PARP4: variants seen among roughly 807,000 people sequenced by gnomAD.
PARP4 encodes the protein protein mono-ADP-ribosyltransferase PARP4.
A neutral mutation model predicts 187.7 loss-of-function variants in PARP4; 120 were observed. The ratio of observed to expected loss-of-function variants is 0.64; its 90% CI spans 0.55 to 0.74. PARP4 has a LOEUF of 0.74. PARP4 is among the 30% of genes least tolerant of loss of function. The pLI, the probability that PARP4 is intolerant of heterozygous loss-of-function variation, is 0.00. For missense variants in PARP4, 1,836 were observed against 2,070.5 expected, an observed-to-expected ratio of 0.89 and a Z score of 2.20; for synonymous variants, 654 against 740.9, an observed-to-expected ratio of 0.88 and a Z score of 1.90.
chr13:24,505,036 C>G (rs1333566768), intron 1 of PARP4, among the ~76,000 whole-genome samples: 2 of 145,256 alleles, frequency 1.4e-5, no homozygotes, highest in Non-Finnish European at 3.0e-5. Flanking sequence ...CAGGGTCTCA[C>G]TCTGTCACCC....
intron 8 of PARP4, among the ~76,000 whole-genome samples, chr13:24,493,227 T>C (rs1332262992): frequency 6.6e-6 from 1 of 152,196 alleles, no homozygotes; most frequent in Admixed American, 6.5e-5. Flanking sequence ...GGTGCAAGAC[T>C]GTGGAGTCAC....
intron 24 of PARP4, among the ~76,000 whole-genome samples, chr13:24,450,223 C>T (rs557250853): frequency 6.6e-6 from 1 of 152,176 alleles, no homozygotes; most frequent in Admixed American, 6.5e-5. Flanking sequence ...TAAAGTCTAC[C>T]TCTTGAAATC....
At chr13:24,501,163 G>A (rs1869257567) in intron 3 of PARP4, among the ~76,000 whole-genome samples, 3 of 152,194 alleles carry the variant, frequency 2.0e-5, no homozygotes, top group Non-Finnish European at 4.4e-5. Flanking sequence ...ATATGACTCA[G>A]GAAGAGTGCA....
rs570028096 is a variant in PARP4 at position 24,475,272 on chromosome 13, G to A, written c.1914+200C>T. Among the ~76,000 whole-genome samples the A allele has an allele frequency of 3.9e-5, 6 of 152,318 alleles. No individual in the cohort carries two copies. The East Asian group carries it at 7.7e-4, about 20-fold the overall frequency. On this transcript the variant is annotated intron_variant, in intron 15 of 33. Transcript: ENST00000381989. ...CCCCCACACAGTGTGTGCTCCACAA[G>A]GGCAGAGCTTTTGTATTGTGCACTG...
intron 17 of PARP4, among the ~76,000 whole-genome samples, chr13:24,468,090 G>A (rs571613428): frequency 5.3e-5 from 8 of 152,212 alleles, no homozygotes; most frequent in South Asian, 2.1e-4. Context: ...CCTCAGAGGC[G>A]ATACTCAAAC....
rs769273437 is a variant in PARP4, at chr13:24,435,383, G to T, written c.3758C>A (p.Ser1253Tyr). The part of the protein sequence containing the change: ...IPFSKRKMEL[S>Y]QPEVSEDFEE... ...AAAATCTTCAGAAACTTCTGGCTGA[G>T]ATAATTCCATTTTTCTTTTGGAAAA... The change falls in exon 31 of 34, where the codon TCT (serine) becomes TAT (tyrosine). Residue 1253 changes from serine (S) to tyrosine (Y), a missense_variant. Transcript: ENST00000381989. 1 of 1,612,236 alleles carries T rather than the reference G, an allele frequency of 6.2e-7. No individual in the cohort carries two copies. The highest frequency in any genetic ancestry group is 1.7e-5 in the Admixed American group (1 of 59,916).
intron 30 of PARP4, among the ~76,000 whole-genome samples, chr13:24,440,201 T>C (rs146629664): frequency 0.012 from 1,798 of 151,964 alleles, 32 homozygotes; most frequent in African/African-American, 0.04. Context: ...AGTTCGAGAC[T>C]AGCCTGGCCA....
chr13:24,503,511 G>A, intron 2 of PARP4, 134 bp downstream of exon 2: 8 of 1,061,022 alleles, frequency 7.5e-6, no homozygotes, highest in Non-Finnish European at 9.8e-6. Context: ...GGCCATGTCA[G>A]TCTCTCCTGA....
In PARP4 at chr13:24,452,435, C is replaced by A; in HGVS notation, c.2985G>T (p.Pro995=). Residue 995 remains proline, a synonymous_variant, in exon 24 of 34, where the codon CCG becomes CCT. Coordinates refer to ENST00000381989, the MANE Select transcript of PARP4 (RefSeq NM_006437.4). The stretch of plus-strand genomic sequence containing the variant: ...TACCGCAGGCGAATAACCTGGTGTG[C>A]GGGCGGCTCCTCTTCACGAGCTGTA... ...LTLQLVKRSR[P]HTRLFACGIG... 1 of 1,613,508 alleles carries A rather than the reference C, an allele frequency of 6.2e-7. No homozygotes were observed. Among genetic ancestry groups the A allele is most frequent in the Non-Finnish European group, 8.5e-7 (1 of 1,179,762 alleles).
intron 31 of PARP4, among the ~76,000 whole-genome samples, chr13:24,431,865 T>G (rs1355522256): frequency 6.6e-6 from 1 of 152,200 alleles, no homozygotes; most frequent in Admixed American, 6.5e-5. Flanking sequence ...TTATAAAAAG[T>G]GTGGAAAGAG....
At chr13:24,452,731 CTAAACT>C in intron 23 of PARP4, 138 bp from the exon 24 acceptor site, 3 of 630,404 alleles carry the variant, frequency 4.8e-6, no homozygotes, top group Non-Finnish European at 5.5e-6. Context: ...TGTGAAACAA[CTAAACT>C]TATGTCCTTT....
intron 10 of PARP4, among the ~76,000 whole-genome samples, chr13:24,488,428 A>T (rs973152689): frequency 1.6e-4 from 24 of 152,170 alleles, no homozygotes; most frequent in Non-Finnish European, 2.9e-5. Flanking sequence ...ATCCTGGCTC[A>T]CTGCAACCTC....
intron 31 of PARP4, among the ~76,000 whole-genome samples, chr13:24,432,368 C>A (rs1352136786): frequency 1.3e-5 from 2 of 152,110 alleles, no homozygotes; most frequent in African/African-American, 2.4e-5. Context: ...TTAAAAAAAA[C>A]CCACTTTATT....
At chr13:24,421,418 T>C in intron 33 of PARP4, 104 bp from the exon 34 acceptor site, 1 of 622,050 alleles carries the variant, frequency 1.6e-6, no homozygotes, top group South Asian at 2.2e-5. Flanking sequence ...CTGCCAAAAA[T>C]TAAGATATTT....
chr13:24,439,790 A>G (rs1473191532), intron 30 of PARP4, among the ~76,000 whole-genome samples: 1 of 152,114 alleles, frequency 6.6e-6, no homozygotes, highest in South Asian at 2.1e-4. Flanking sequence ...TTTTTCCCCA[A>G]AACAATGCAC....
Position 24,475,480 on chromosome 13 carries a change from C to T in PARP4, c.1906G>A (p.Val636Ile), listed in dbSNP as rs766074585. Residue 636 changes from valine (V) to isoleucine (I), a missense_variant, in exon 15 of 34, where the codon GTA becomes ATA. Around this residue, in one of 8 missense-constraint regions of PARP4, gnomAD observed 1,147 missense variants for 1,214.2 expected, o/e 0.94. Coordinates refer to ENST00000381989, the MANE Select transcript of PARP4 (RefSeq NM_006437.4). ...VHIKGRIIDTVAQVIVFQTYT... is the reference protein window; with the variant it reads ...VHIKGRIIDTIAQVIVFQTYT... ...AGCCACAGACAACATACCTGGGCTACAGTGTCTATGATTCTCCCTTTGATG... is the reference window on the plus strand; with the variant it reads ...AGCCACAGACAACATACCTGGGCTATAGTGTCTATGATTCTCCCTTTGATG... 6.2e-7 allele frequency: 1 copy of T among 1,613,876 alleles called. No homozygotes were observed. The highest frequency in any genetic ancestry group is 2.2e-5 in the East Asian group (1 of 44,878).
At chr13:24,510,553 C>CAAAAAAAAAAAAAAAA in intron 1 of PARP4, among the ~76,000 whole-genome samples, 1 of 89,270 alleles carries the variant, frequency 1.1e-5, no homozygotes, top group Non-Finnish European at 2.1e-5. Flanking sequence ...GACTCCGTCT[C>CAAAAAAAAAAAAAAAA]AAAAAAAAAA....
chr13:24,467,073 T>C (rs933148130), intron 17 of PARP4, among the ~76,000 whole-genome samples: 14 of 152,220 alleles, frequency 9.2e-5, no homozygotes, highest in Admixed American at 5.2e-4. Context: ...TATAGGGTTA[T>C]AGTGACAAGT....
intron 17 of PARP4, among the ~76,000 whole-genome samples, chr13:24,468,347 G>C (rs1162488758): frequency 3.3e-5 from 5 of 151,696 alleles, no homozygotes; most frequent in African/African-American, 1.2e-4. Flanking sequence ...CTTTATGATT[G>C]GACCATCTGC....
Sources: gnomAD v4.1 joint callset for allele counts (sites outside exome capture counted in the v4.1 genomes callset) on GRCh38, gnomAD v4.1.1 for gene constraint, gnomAD v4.1.1 regional missense constraint, MANE v1.5 for transcripts, NCBI Gene and HGNC (gene_info 2026-07-23, HGNC 2026-07-21) for gene names.